The following DAGLA variants were observed in gnomAD, a reference collection of about 807,000 sequenced individuals.
DAGLA encodes the protein diacylglycerol lipase-alpha.
DAGLA carries 22 observed loss-of-function variants against 102.6 expected under a neutral mutation model. The ratio of observed to expected loss-of-function variants is 0.21; its 90% CI spans 0.15 to 0.31. DAGLA has a LOEUF of 0.31. DAGLA is among the 10% of genes least tolerant of loss of function. The pLI is 1.00. For missense variants in DAGLA, 927 were observed against 1,446.6 expected (o/e 0.64, Z 5.83); for synonymous variants, 578 against 628.9 (o/e 0.92, Z 1.21).
chr11:61,691,773 C>T (rs1264899528), intron 1 of DAGLA, among the ~76,000 whole-genome samples: 4 of 152,226 alleles, frequency 2.6e-5, no homozygotes, highest in Non-Finnish European at 5.9e-5. Context: ...AGAACTCAGG[C>T]CAGACGGTCT....
chr11:61,698,318 A>C (rs765591024), intron 1 of DAGLA, among the ~76,000 whole-genome samples: 27 of 152,214 alleles, frequency 1.8e-4, no homozygotes, highest in Non-Finnish European at 3.5e-4. Context: ...AGCTCTCTGC[A>C]AGTTGGCTGG....
At chr11:61,722,283 T>A (rs1170088329) in intron 3 of DAGLA, among the ~76,000 whole-genome samples, 4 of 152,320 alleles carry the variant, frequency 2.6e-5, no homozygotes, top group East Asian at 1.9e-4. Flanking sequence ...GATTCTGAGA[T>A]CCTGATAGAA....
chr11:61,710,947 G>A (rs1362292889), intron 1 of DAGLA, among the ~76,000 whole-genome samples: 1 of 152,218 alleles, frequency 6.6e-6, no homozygotes, highest in Non-Finnish European at 1.5e-5. Flanking sequence ...TGAAGTGACA[G>A]TCATAGACAA....
chr11:61,725,851 G>A lies in DAGLA; in HGVS notation c.549-144G>A, dbSNP rs1591044754. 4.8e-5 allele frequency: 35 copies of A among 736,490 alleles called. No homozygotes were observed. The South Asian group carries it at 5.8e-4, about 12-fold the overall frequency. The allele number at this position is 736,490 out of a possible 1,614,324, so 45.6% of individuals were successfully genotyped here. On this transcript the variant is annotated intron_variant, in intron 5 of 19. Coordinates refer to ENST00000257215, the MANE Select transcript of DAGLA (RefSeq NM_006133.3). ...CTGGCCACCAGCTCTGGCAGGGCCT[G>A]GGCCCTGTTCTCCCCCAGAACCCAC...
intron 1 of DAGLA, among the ~76,000 whole-genome samples, chr11:61,707,856 C>T (rs1288317811): frequency 6.7e-6 from 1 of 148,242 alleles, no homozygotes; most frequent in Non-Finnish European, 1.5e-5. Context: ...GGTATGGGTG[C>T]TGGTGGCAGG....
At chr11:61,735,889 T>C in intron 12 of DAGLA, 73 bp downstream of exon 12, 1 of 1,401,570 alleles carries the variant, frequency 7.1e-7, no homozygotes, top group African/African-American at 1.4e-5. Flanking sequence ...GCGTGTATGG[T>C]TGGGGGTTCC....
At chr11:61,726,919 T>C (rs1349798024) in intron 6 of DAGLA, among the ~76,000 whole-genome samples, 1 of 152,166 alleles carries the variant, frequency 6.6e-6, no homozygotes, top group African/African-American at 2.4e-5. Flanking sequence ...AGCACCCCCT[T>C]GGGTCTCTCT....
chr11:61,706,591 G>T (rs1203600604), intron 1 of DAGLA, among the ~76,000 whole-genome samples: 2 of 152,202 alleles, frequency 1.3e-5, no homozygotes, highest in African/African-American at 4.8e-5. Context: ...AGGCCTCAGA[G>T]CCCATGATTC....
Position 61,700,649 on chromosome 11 carries a change from G to T in DAGLA, c.-44-19463G>T, listed in dbSNP as rs147564800. Among the ~76,000 whole-genome samples, 1,136 of 152,330 alleles carry T rather than the reference G, an allele frequency of 7.5e-3. 14 individuals carry two copies. Among genetic ancestry groups the T allele is most frequent in the African/African-American group, 0.025 (1,039 of 41,558 alleles). ...AAGAGGGAGCCCTTTCTCTCCCACA[G>T]CTGGGACCCCAAAGAGAGGCTTGCA... On this transcript the variant is annotated intron_variant, in intron 1 of 19. Transcript: ENST00000257215.
Position 61,743,608 on chromosome 11 carries a change from G to A in DAGLA, c.2248G>A (p.Ala750Thr). 6.3e-7 allele frequency: 1 copy of A among 1,577,552 alleles called. No individual in the cohort carries two copies. Among genetic ancestry groups the A allele is most frequent in the Admixed American group, 1.8e-5 (1 of 55,932 alleles). Reference protein sequence around the residue: ...RLLSPVVAAAARQDPVELLLL... With the variant: ...RLLSPVVAAATRQDPVELLLL... ...GCTGTCGCCAGTGGTTGCGGCGGCG[G>A]CCCGCCAGGACCCGGTGGAGCTGCT... Residue 750 changes from alanine (A) to threonine (T), a missense_variant, in exon 20 of 20, where the codon GCC becomes ACC. Transcript: ENST00000257215.
intron 1 of DAGLA, among the ~76,000 whole-genome samples, chr11:61,702,701 T>G (rs1264781211): frequency 6.6e-6 from 1 of 152,216 alleles, no homozygotes; most frequent in Non-Finnish European, 1.5e-5. Context: ...TAGCTTTCTG[T>G]GCTCTTTCCT....
intron 18 of DAGLA, among the ~76,000 whole-genome samples, chr11:61,740,952 G>T (rs2065473134): frequency 6.6e-6 from 1 of 152,236 alleles, no homozygotes; most frequent in Admixed American, 6.5e-5. Context: ...GGTAGGGCAG[G>T]AGCACTCGCC....
intron 1 of DAGLA, among the ~76,000 whole-genome samples, chr11:61,715,845 C>T (rs778568035): frequency 2.6e-5 from 4 of 152,228 alleles, no homozygotes; most frequent in African/African-American, 4.8e-5. Context: ...GTAGTGACAT[C>T]ACCCCAGTCT....
intron 2 of DAGLA, 103 bp from the exon 3 acceptor site, chr11:61,720,575 GC>G: frequency 9.3e-7 from 1 of 1,075,542 alleles, no homozygotes. Flanking sequence ...CCTGCTGCCA[GC>G]CCTCCTTCCA....
chr11:61,736,306 C>G lies in DAGLA; in HGVS notation c.1327C>G (p.Leu443Val), dbSNP rs1270798667. 3.1e-6 allele frequency: 5 copies of G among 1,614,072 alleles called. No homozygotes were observed. Among genetic ancestry groups the G allele is most frequent in the Non-Finnish European group, 4.2e-6 (5 of 1,180,024 alleles). The stretch of plus-strand genomic sequence containing the variant: ...CTCAGCTGAGTACATCAAGAAGAAA[C>G]TGGAGCAGGAGATGGTCCTGTCCCA... The part of the protein sequence containing the change: ...VLSAEYIKKK[L>V]EQEMVLSQAF... The change falls in exon 13 of 20, where the codon CTG (leucine) becomes GTG (valine). Residue 443 changes from leucine to valine, a missense_variant. By Grantham distance (32) the Leu-to-Val change is conservative. Around this residue, in one of 4 missense-constraint regions of DAGLA, gnomAD observed 218 missense variants for 459.6 expected, o/e 0.47. Coordinates refer to ENST00000257215, the MANE Select transcript of DAGLA (RefSeq NM_006133.3).
At chr11:61,717,512 C>G (rs1365923514) in intron 1 of DAGLA, among the ~76,000 whole-genome samples, 1 of 152,216 alleles carries the variant, frequency 6.6e-6, no homozygotes, top group Non-Finnish European at 1.5e-5. Flanking sequence ...CTGCAGACCT[C>G]TCATGTGATT....
intron 17 of DAGLA, among the ~76,000 whole-genome samples, chr11:61,740,039 A>G (rs1039705702): frequency 1.3e-5 from 2 of 152,220 alleles, no homozygotes; most frequent in Non-Finnish European, 2.9e-5. Context: ...GAATTCCTCG[A>G]AGACAGCTGT....
intron 6 of DAGLA, among the ~76,000 whole-genome samples, 184 bp from the exon 7 acceptor site, chr11:61,727,969 G>A (rs1156588264): frequency 6.6e-6 from 1 of 152,206 alleles, no homozygotes; most frequent in Non-Finnish European, 1.5e-5. Flanking sequence ...AGGGCCCTCA[G>A]GGTCACAGGG....
chr11:61,737,591 G>A (rs746744546), intron 14 of DAGLA, 96 bp from the exon 15 acceptor site: 5 of 1,246,460 alleles, frequency 4.0e-6, no homozygotes, highest in East Asian at 2.3e-5. Context: ...TCCCAGGAGT[G>A]CAGGAGCAGG....
Sources: gnomAD v4.1 joint callset for allele counts (sites outside exome capture counted in the v4.1 genomes callset) on GRCh38, gnomAD v4.1.1 for gene constraint, gnomAD v4.1.1 regional missense constraint, MANE v1.5 for transcripts, NCBI Gene and HGNC (gene_info 2026-07-23, HGNC 2026-07-21) for gene names.